The following MSI2 variants were observed in gnomAD, a reference collection of about 807,000 sequenced individuals.
The protein encoded by MSI2 is musashi RNA binding protein 2, also known as RNA-binding protein Musashi homolog 2.
MSI2 carries 17 observed loss-of-function variants against 45.6 expected under a neutral mutation model. The observed-to-expected ratio is 0.37, with a 90% CI of 0.26 to 0.56. MSI2 has a LOEUF of 0.56. Ranked by LOEUF, MSI2 falls within the 20% of genes least tolerant of loss-of-function variation. The probability of loss-of-function intolerance (pLI) is 0.77; values close to 1 mark genes in which losing one functional copy is unlikely to be tolerated. For missense variants in MSI2, 293 were observed against 444.2 expected, an observed-to-expected ratio of 0.66 and a Z score of 3.06; for synonymous variants, 156 against 158.2, an observed-to-expected ratio of 0.99 and a Z score of 0.11.
chr17:57,621,256 C>T (rs1204175848), intron 9 of MSI2, among the ~76,000 whole-genome samples: 1 of 152,182 alleles, frequency 6.6e-6, no homozygotes, highest in African/African-American at 2.4e-5. Context: ...TCCTCACCAA[C>T]AGCAATCTGG....
chr17:57,587,448 A>G (rs753193882), intron 7 of MSI2, among the ~76,000 whole-genome samples: 3 of 152,186 alleles, frequency 2.0e-5, no homozygotes, highest in Non-Finnish European at 4.4e-5. Flanking sequence ...ATATTAATTT[A>G]GGGAATGCAG....
rs80021861 is a variant in MSI2 at position 57,292,813 on chromosome 17, G to A, written c.312+30621G>A. Among the ~76,000 whole-genome samples, 904 of 152,240 alleles carry A rather than the reference G, an allele frequency of 5.9e-3. 4 individuals carry two copies. The highest frequency in any genetic ancestry group is 0.014 in the Middle Eastern group (4 of 294). On this transcript the variant is annotated intron_variant, in intron 5 of 13. Coordinates refer to ENST00000284073, the MANE Select transcript of MSI2 (RefSeq NM_138962.4). ...AGCCTTTCTGTGAGTTGCTTTAGGG[G>A]CCTAAGACTTTGGTTGCTGAAGGAA...
intron 10 of MSI2, among the ~76,000 whole-genome samples, chr17:57,644,742 A>G (rs1220068313): frequency 6.6e-6 from 1 of 152,178 alleles, no homozygotes; most frequent in African/African-American, 2.4e-5. Context: ...TAAGCACAAC[A>G]TAGGAAAAAT....
intron 6 of MSI2, chr17:57,450,311 G>GAAAGAA (rs2084989061): frequency 3.7e-5 from 5 of 134,508 alleles, no homozygotes; most frequent in Admixed American, 7.4e-5. Flanking sequence ...AAGAAAGAAA[G>GAAAGAA]AAAGAAAGAA....
At position 57,459,347 on chromosome 17, in the gene MSI2, T is replaced by C. The variant is rs182441132; in HGVS notation, c.405+57876T>C. ...GAACATGGGATGCCGCACGGGGGCA[T>C]TGTCCTCAGTCGGACTTTCTAGAAA... On this transcript the variant is annotated intron_variant, in intron 6 of 13. Coordinates refer to ENST00000284073, the MANE Select transcript of MSI2 (RefSeq NM_138962.4). 5.3e-5 allele frequency among the ~76,000 whole-genome samples: 8 copies of C among 152,278 alleles called. No individual in the cohort carries two copies. In the East Asian group the frequency reaches 1.5e-3, roughly 29 times the overall value.
At chr17:57,296,406 G>T (rs1439938289) in intron 5 of MSI2, among the ~76,000 whole-genome samples, 1 of 152,108 alleles carries the variant, frequency 6.6e-6, no homozygotes, top group Admixed American at 6.5e-5. Context: ...GGCCAGGGTG[G>T]TGGCTGCTTA....
chr17:57,475,258 C>T (rs910484296), intron 6 of MSI2, among the ~76,000 whole-genome samples: 1 of 152,142 alleles, frequency 6.6e-6, no homozygotes, highest in Non-Finnish European at 1.5e-5. Flanking sequence ...CACAGAGGTC[C>T]CAGTTGAGTG....
At chr17:57,671,276 G>A (rs146751756) in intron 11 of MSI2, among the ~76,000 whole-genome samples, 13 of 152,266 alleles carry the variant, frequency 8.5e-5, no homozygotes, top group African/African-American at 3.1e-4. Flanking sequence ...GCAAGACGTT[G>A]TCCTCTTCTG....
At chr17:57,375,858 G>GTAGA (rs2083486671) in intron 5 of MSI2, among the ~76,000 whole-genome samples, 1 of 152,158 alleles carries the variant, frequency 6.6e-6, no homozygotes, top group Non-Finnish European at 1.5e-5. Context: ...GCCCTTACAG[G>GTAGA]TAGATGTCTG....
chr17:57,503,698 G>C (rs1019786068), intron 6 of MSI2, among the ~76,000 whole-genome samples: 23 of 152,334 alleles, frequency 1.5e-4, no homozygotes, highest in Admixed American at 6.5e-4. Flanking sequence ...ATAAGATGTG[G>C]TTCCTGTTCA....
chr17:57,598,845 T>G (rs751046604), intron 8 of MSI2, among the ~76,000 whole-genome samples: 2 of 152,200 alleles, frequency 1.3e-5, no homozygotes, highest in Non-Finnish European at 2.9e-5. Context: ...GTATTTTTAG[T>G]AGAGACGGGG....
chr17:57,457,552 C>T (rs1156645162), intron 6 of MSI2, among the ~76,000 whole-genome samples: 1 of 152,008 alleles, frequency 6.6e-6, no homozygotes, highest in Admixed American at 6.6e-5. Context: ...TCCTAGAAGA[C>T]CCTATGTCTT....
chr17:57,509,833 C>A (rs1348199873), intron 6 of MSI2, among the ~76,000 whole-genome samples: 1 of 152,064 alleles, frequency 6.6e-6, no homozygotes, highest in Non-Finnish European at 1.5e-5. Context: ...TTCACAAGGT[C>A]TTTTCTGCTT....
chr17:57,357,455 A>C (rs1247773432), intron 5 of MSI2, among the ~76,000 whole-genome samples: 1 of 152,162 alleles, frequency 6.6e-6, no homozygotes, highest in East Asian at 1.9e-4. Flanking sequence ...ATTCGGCAGC[A>C]CACAGACACC....
chr17:57,332,348 G>A (rs951065099), intron 5 of MSI2, among the ~76,000 whole-genome samples: 3 of 152,102 alleles, frequency 2.0e-5, no homozygotes, highest in Admixed American at 1.3e-4. Flanking sequence ...TGATCTGCCC[G>A]CCTCAGTCTC....
chr17:57,261,809 G>A (rs765048915), intron 4 of MSI2, among the ~76,000 whole-genome samples: 4 of 152,052 alleles, frequency 2.6e-5, no homozygotes, highest in South Asian at 2.1e-4. Flanking sequence ...TCCCAGCCAC[G>A]CATAGCAAAT....
At chr17:57,535,926 G>A (rs954783935) in intron 7 of MSI2, among the ~76,000 whole-genome samples, 1 of 152,204 alleles carries the variant, frequency 6.6e-6, no homozygotes, top group African/African-American at 2.4e-5. Context: ...TGTGATAGAA[G>A]ATAATGCTTT....
intron 6 of MSI2, among the ~76,000 whole-genome samples, chr17:57,501,796 C>T (rs942272811): frequency 6.6e-6 from 1 of 152,226 alleles, no homozygotes; most frequent in African/African-American, 2.4e-5. Flanking sequence ...CTTATAGACA[C>T]AGTCATTACA....
chr17:57,350,202 T>G (rs1598156028), intron 5 of MSI2, among the ~76,000 whole-genome samples: 1 of 149,576 alleles, frequency 6.7e-6, no homozygotes, highest in Admixed American at 6.6e-5. Flanking sequence ...CCAAAGCCTA[T>G]TGTTAACAGT....
Sources: gnomAD v4.1 joint callset for allele counts (sites outside exome capture counted in the v4.1 genomes callset) on GRCh38, gnomAD v4.1.1 for gene constraint, MANE v1.5 for transcripts, NCBI Gene and HGNC (gene_info 2026-07-23, HGNC 2026-07-21) for gene names.